The following CFAP20DC variants were observed in gnomAD, a reference collection of about 807,000 sequenced individuals.
CFAP20DC encodes the protein protein CFAP20DC.
A neutral mutation model predicts 101.7 loss-of-function variants in CFAP20DC; 84 were observed. The ratio of observed to expected loss-of-function variants is 0.83; its 90% CI spans 0.69 to 0.99. The LOEUF is 0.99. CFAP20DC is among the 50% of genes least tolerant of loss of function. The probability of loss-of-function intolerance (pLI) is 0.00; values close to 1 mark genes in which losing one functional copy is unlikely to be tolerated. For missense variants in CFAP20DC, 1,007 were observed against 970.3 expected (o/e 1.04, Z -0.50); for synonymous variants, 359 against 351.2 (o/e 1.02, Z -0.25).
chr3:58,842,594 C>A (rs976865399), intron 13 of CFAP20DC, among the ~76,000 whole-genome samples: 19 of 152,056 alleles, frequency 1.2e-4, no homozygotes, highest in Non-Finnish European at 1.8e-4. Context: ...GGGAGGGGCG[C>A]CCGCCATTGC....
intron 16 of CFAP20DC, among the ~76,000 whole-genome samples, chr3:58,753,359 T>C (rs1412962166): frequency 6.6e-6 from 1 of 152,216 alleles, no homozygotes; most frequent in Non-Finnish European, 1.5e-5. Context: ...GTGCTTCATA[T>C]ACAGCACCTC....
chr3:58,781,763 A>G (rs530839904), intron 15 of CFAP20DC, among the ~76,000 whole-genome samples: 1 of 152,228 alleles, frequency 6.6e-6, no homozygotes, highest in Non-Finnish European at 1.5e-5. Flanking sequence ...ACAGAACAAT[A>G]ACAAGTTATG....
rs563031003 is a variant in CFAP20DC, at chr3:59,000,638, G to A, written c.278+38919C>T. Among the ~76,000 whole-genome samples the A allele has an allele frequency of 7.1e-4, 108 of 152,252 alleles. 1 individual carries two copies. The highest frequency in any genetic ancestry group is 3.4e-3 in the Middle Eastern group (1 of 294). On this transcript the variant is annotated intron_variant, in intron 4 of 16. Transcript: ENST00000482387. ...TCATGAGACAGTGGGCACTCAAGGAGAATCGGGAAGATTTGAGAGGTTGAA... is the reference window on the plus strand; with the variant it reads ...TCATGAGACAGTGGGCACTCAAGGAAAATCGGGAAGATTTGAGAGGTTGAA...
In CFAP20DC at chr3:58,831,393, A is replaced by C. The variant is rs1027846179; in HGVS notation, c.2175+293T>G. ...TGCCACAGGGCTTGTACTAGGGGAT[A>C]CAATGGGACACCCAGTGTCTACAGT... On this transcript the variant is annotated intron_variant, in intron 14 of 16. Coordinates refer to ENST00000482387, the MANE Select transcript of CFAP20DC (RefSeq NM_001394063.1). Among the ~76,000 whole-genome samples the C allele has an allele frequency of 3.3e-5, 5 of 152,282 alleles. No homozygotes were observed. In the South Asian group the frequency reaches 8.3e-4, roughly 25 times the overall value.
At chr3:58,720,235 G>T (rs1424943114) in intron 3 of CFAP20DC, among the ~76,000 whole-genome samples, 1 of 152,236 alleles carries the variant, frequency 6.6e-6, no homozygotes, top group African/African-American at 2.4e-5. Flanking sequence ...TCAGAGCAAG[G>T]CCTGGCAGAA....
intron 4 of CFAP20DC, among the ~76,000 whole-genome samples, chr3:58,962,659 G>A (rs886741844): frequency 1.3e-5 from 2 of 152,104 alleles, no homozygotes; most frequent in Non-Finnish European, 2.9e-5. Context: ...CTTGCTGATG[G>A]ATCTATGCAT....
intron 4 of CFAP20DC, among the ~76,000 whole-genome samples, chr3:58,997,667 C>T (rs2108701846): frequency 6.6e-6 from 1 of 152,328 alleles, no homozygotes; most frequent in East Asian, 1.9e-4. Context: ...AAGGGCTGCT[C>T]TGCCCTGGGC....
At chr3:58,996,917 C>G (rs975356853) in intron 4 of CFAP20DC, among the ~76,000 whole-genome samples, 1 of 152,152 alleles carries the variant, frequency 6.6e-6, no homozygotes, top group Non-Finnish European at 1.5e-5. Flanking sequence ...CACAGAGGTT[C>G]GCACCTTTTG....
chr3:58,762,158 T>C (rs1200786021), intron 15 of CFAP20DC, among the ~76,000 whole-genome samples: 1 of 152,148 alleles, frequency 6.6e-6, no homozygotes, highest in East Asian at 1.9e-4. Context: ...CCCATTATTA[T>C]TGTGTGGGAG....
chr3:58,890,430 G>T (rs1394112817), intron 6 of CFAP20DC, among the ~76,000 whole-genome samples: 2 of 142,540 alleles, frequency 1.4e-5, no homozygotes, highest in African/African-American at 5.3e-5. Context: ...CTGGCCGGGC[G>T]GGGGGGCTGA....
rs79529656 is a variant in CFAP20DC, at chr3:58,719,558, G to T, written c.198-1930C>A. Among the ~76,000 whole-genome samples the T allele has an allele frequency of 2.8e-3, 421 of 152,310 alleles. 3 individuals carry two copies. The highest frequency in any genetic ancestry group is 9.8e-3 in the African/African-American group (407 of 41,554). ...GATTTTTCAGCTACAATTTTTTTAA[G>T]TGTCCTTTTGGGAAATAGCACTATT... On this transcript the variant is annotated intron_variant, in intron 3 of 3. Coordinates refer to the CFAP20DC transcript ENST00000486145.
At chr3:58,905,549 A>T (rs2083507635) in intron 6 of CFAP20DC, among the ~76,000 whole-genome samples, 2 of 152,326 alleles carry the variant, frequency 1.3e-5, no homozygotes, top group South Asian at 2.1e-4. Context: ...GATTCCAAAA[A>T]ATTCACTTTC....
chr3:58,871,531 C>CTTTT lies in CFAP20DC; in HGVS notation c.716-1226_716-1223dup, dbSNP rs951056591. On this transcript the variant is annotated intron_variant, in intron 7 of 16. Coordinates refer to ENST00000482387, the MANE Select transcript of CFAP20DC (RefSeq NM_001394063.1). ...GCCGCATGACTGAATTCCGACTTTT[C>CTTTT]TTTTTTTTTTTTTTTTGAGACAGTC... Among the ~76,000 whole-genome samples, 5 of 136,166 alleles carry CTTTT rather than the reference C, an allele frequency of 3.7e-5. No individual in the cohort carries two copies. In the South Asian group the frequency reaches 7.2e-4, roughly 20 times the overall value. 89.3% of individuals were successfully genotyped at this position (136,166 alleles called of 152,430 possible). A position where few individuals can be genotyped will look rare whatever the true frequency, so the allele number is the denominator to read the frequency against.
At chr3:59,003,806 T>A (rs1254906489) in intron 4 of CFAP20DC, among the ~76,000 whole-genome samples, 2 of 152,176 alleles carry the variant, frequency 1.3e-5, no homozygotes, top group Non-Finnish European at 2.9e-5. Flanking sequence ...GAACCTATAA[T>A]GAAAACAACA....
intron 4 of CFAP20DC, among the ~76,000 whole-genome samples, chr3:59,023,904 T>C (rs1255164197): frequency 2.6e-5 from 4 of 152,074 alleles, no homozygotes; most frequent in African/African-American, 9.7e-5. Flanking sequence ...AGCAATGGCA[T>C]CCTCTATTTA....
chr3:58,793,786 A>C (rs2107648630), intron 15 of CFAP20DC, among the ~76,000 whole-genome samples: 1 of 152,326 alleles, frequency 6.6e-6, no homozygotes, highest in Admixed American at 6.5e-5. Context: ...ATTTTACTTA[A>C]GCTGAGACTT....
chr3:58,734,385 A>G (rs1458052173), intron 3 of CFAP20DC: 1 of 360,204 alleles, frequency 2.8e-6, no homozygotes, highest in African/African-American at 2.1e-5. Flanking sequence ...ATTGTTTATC[A>G]CCAGAGTTCC....
Position 58,874,315 on chromosome 3 carries a change from G to A in CFAP20DC, c.716-4006C>T, listed in dbSNP as rs1053459199. Among the ~76,000 whole-genome samples the A allele has an allele frequency of 6.6e-6, 1 of 152,178 alleles. No individual in the cohort carries two copies. The highest frequency in any genetic ancestry group is 1.5e-5 in the Non-Finnish European group (1 of 68,036). ...CCTCTTCCTCCTGGATGATGACAAA[G>A]CCTTACTGTGTGACTTACTGTGTCC... On this transcript the variant is annotated intron_variant, in intron 7 of 16. Transcript: ENST00000482387. This position sits in a 1 kb window ranked among gnomAD's most constrained non-coding sequence, Gnocchi z 5.1.
chr3:58,891,211 T>A (rs1576170203), intron 6 of CFAP20DC, among the ~76,000 whole-genome samples: 1 of 151,750 alleles, frequency 6.6e-6, no homozygotes, highest in Non-Finnish European at 1.5e-5. Context: ...TCACTCGCGG[T>A]TAGGGGCTGG....
Sources: allele counts gnomAD v4.1 joint callset (sites outside exome capture counted in the v4.1 genomes callset), GRCh38; gene constraint gnomAD v4.1.1; non-coding constraint Gnocchi (gnomAD v3.1); transcripts MANE v1.5; gene names NCBI Gene and HGNC (gene_info 2026-07-23, HGNC 2026-07-21).